SINHCAF: variants seen among roughly 807,000 people sequenced by gnomAD.
SINHCAF encodes SIN3-HDAC complex associated factor.
Under a neutral mutation model 25.8 loss-of-function variants are expected in SINHCAF, and 3 were observed. The ratio of observed to expected loss-of-function variants is 0.12; its 90% confidence interval spans 0.05 to 0.30. The LOEUF is 0.30. SINHCAF is among the 10% of genes least tolerant of loss of function. The pLI is 1.00. For missense variants in SINHCAF, 121 were observed against 262.3 expected (o/e 0.46, Z 3.72); for synonymous variants, 70 against 85.5 (o/e 0.82, Z 1.00).
chr12:31,313,167 G>A (rs1255814265), intron 1 of SINHCAF, among the ~76,000 whole-genome samples: 1 of 152,126 alleles, frequency 6.6e-6, no homozygotes, highest in Non-Finnish European at 1.5e-5. Context: ...TGAGATTACA[G>A]GTACCCGCCA....
chr12:31,301,220 ATTT>A (rs1053759307), intron 1 of SINHCAF, among the ~76,000 whole-genome samples: 1 of 152,044 alleles, frequency 6.6e-6, no homozygotes, highest in African/African-American at 2.4e-5. Context: ...CTCTTCAATG[ATTT>A]TTTTCTGCTG....
chr12:31,287,217 C>G (rs570720519), intron 5 of SINHCAF, among the ~76,000 whole-genome samples: 2 of 152,206 alleles, frequency 1.3e-5, no homozygotes, highest in East Asian at 3.9e-4. Context: ...TCTATAATAT[C>G]CTATTATTTT....
intron 1 of SINHCAF, among the ~76,000 whole-genome samples, chr12:31,310,740 T>C (rs1284947837): frequency 1.3e-5 from 2 of 152,232 alleles, no homozygotes; most frequent in Non-Finnish European, 2.9e-5. Flanking sequence ...TATGTCATTT[T>C]TATTGTTTTC....
At chr12:31,314,517 C>G (rs756593945) in intron 1 of SINHCAF, among the ~76,000 whole-genome samples, 25 of 151,182 alleles carry the variant, frequency 1.7e-4, no homozygotes, top group Non-Finnish European at 1.9e-4. Context: ...CAGAGCGAGA[C>G]TCCGTCTCAA....
chr12:31,296,676 A>G (rs1326268851), intron 2 of SINHCAF, among the ~76,000 whole-genome samples: 1 of 152,082 alleles, frequency 6.6e-6, no homozygotes, highest in Non-Finnish European at 1.5e-5. Flanking sequence ...CAACATGGCA[A>G]AATCCTGTAT....
intron 1 of SINHCAF, among the ~76,000 whole-genome samples, chr12:31,300,244 T>G (rs559753652): frequency 6.6e-6 from 1 of 152,232 alleles, no homozygotes; most frequent in Non-Finnish European, 1.5e-5. Context: ...AAAATTTTTT[T>G]AAAACTTTTA....
Position 31,324,354 on chromosome 12 carries a change from G to C in SINHCAF, c.-21+1670C>G, listed in dbSNP as rs1475202921. The C allele has an allele frequency of 1.8e-5, 3 of 164,192 alleles. No individual in the cohort carries two copies. The Admixed American group carries it at 2.0e-4, about 11-fold the overall frequency. The allele number at this position is 164,192 out of a possible 1,614,324, so 10.2% of individuals were successfully genotyped here. On this transcript the variant is annotated intron_variant, in intron 1 of 5. Transcript: ENST00000337682. The surrounding 1 kb of genome is among the most constrained non-coding windows in gnomAD (Gnocchi z 5.5). Reference sequence around the variant, plus strand: ...CCACGAGAAACCGGCCGAGCAGTCCGGGCCAAGCTCCCCGGAACCCTCGGC... The same window carrying C: ...CCACGAGAAACCGGCCGAGCAGTCCCGGCCAAGCTCCCCGGAACCCTCGGC...
intron 1 of SINHCAF, chr12:31,311,819 C>T (rs1038157589): frequency 6.2e-6 from 3 of 486,128 alleles, no homozygotes; most frequent in African/African-American, 5.9e-5. Context: ...GTGGGTCAGA[C>T]CAAAGATGGG....
intron 1 of SINHCAF, among the ~76,000 whole-genome samples, chr12:31,314,474 C>A (rs575012347): frequency 6.6e-6 from 1 of 151,760 alleles, no homozygotes; most frequent in Non-Finnish European, 1.5e-5. Flanking sequence ...TGCAGTGAGC[C>A]GAGATCGCGC....
At chr12:31,311,851 A>T in intron 1 of SINHCAF, 1 of 480,368 alleles carries the variant, frequency 2.1e-6, no homozygotes, top group Non-Finnish European at 4.1e-6. Context: ...CCCAGCGTTG[A>T]TGATGCTAAG....
intron 1 of SINHCAF, among the ~76,000 whole-genome samples, chr12:31,318,402 G>A (rs922127538): frequency 6.6e-6 from 1 of 152,152 alleles, no homozygotes; most frequent in African/African-American, 2.4e-5. Context: ...CCACTTGTTT[G>A]CCAACAGCCT....
At chr12:31,321,220 A>G (rs927608607) in intron 1 of SINHCAF, among the ~76,000 whole-genome samples, 1 of 152,194 alleles carries the variant, frequency 6.6e-6, no homozygotes, top group African/African-American at 2.4e-5. Context: ...CAAAATCAAA[A>G]CTTAAGTGTG....
chr12:31,295,243 G>GTTTTTTTTTT lies in SINHCAF; in HGVS notation c.218_219insAAAAAAAAAA (p.Asn73LysfsTer41). 6.4e-7 allele frequency: 1 copy of GTTTTTTTTTT among 1,567,136 alleles called. No individual in the cohort carries two copies. Among genetic ancestry groups the GTTTTTTTTTT allele is most frequent in the Admixed American group, 1.8e-5 (1 of 56,642 alleles). ...AGAAAGATGGACTAACATGATTCCA[G>GTTTTTTTTTT]TTTTTTTTTGATCCTGCTGGCAACT... On this transcript the variant is annotated frameshift_variant, in exon 3 of 6. Transcript: ENST00000337682. LOFTEE classifies it high-confidence loss of function.
At position 31,324,194 on chromosome 12, in the gene SINHCAF, C is replaced by T. The variant is rs1211148921; in HGVS notation, c.-21+1830G>A. 4.7e-6 allele frequency: 1 copy of T among 210,918 alleles called. No homozygotes were observed. Among genetic ancestry groups the T allele is most frequent in the Non-Finnish European group, 9.2e-6 (1 of 108,912 alleles). 13.1% of individuals were successfully genotyped at this position (210,918 alleles called of 1,614,324 possible). On this transcript the variant is annotated intron_variant, in intron 1 of 5. Coordinates refer to ENST00000337682, the MANE Select transcript of SINHCAF (RefSeq NM_001135812.2). This position sits in a 1 kb window ranked among gnomAD's most constrained non-coding sequence, Gnocchi z 5.5. ...CGCGCCAGCCCGGCCCGGCGCCTCCCGCAGGCCGCGCCTCCCGCACGCCGC... is the reference window on the plus strand; with the variant it reads ...CGCGCCAGCCCGGCCCGGCGCCTCCTGCAGGCCGCGCCTCCCGCACGCCGC...
chr12:31,285,418 TACACACACACACACACACAC>T (rs71444392), intron 5 of SINHCAF, among the ~76,000 whole-genome samples: 1 of 141,356 alleles, frequency 7.1e-6, no homozygotes, highest in Non-Finnish European at 1.5e-5. Flanking sequence ...TATATATACA[TACACACACACACACACACAC>T]ACACACACAC....
Position 31,281,044 on chromosome 12 carries a change from G to A in SINHCAF, c.*1668C>T, listed in dbSNP as rs1937768664. 1 of 151,998 alleles carries A rather than the reference G, an allele frequency of 6.6e-6. No homozygotes were observed. Among genetic ancestry groups the A allele is most frequent in the Non-Finnish European group, 1.5e-5 (1 of 67,962 alleles). 9.4% of individuals were successfully genotyped at this position (151,998 alleles called of 1,614,324 possible). A position where few individuals can be genotyped will look rare whatever the true frequency, so the allele number is the denominator to read the frequency against. On this transcript the variant is annotated 3_prime_UTR_variant, in exon 6 of 6. Transcript: ENST00000337682. ...TAGATTAAGAACTATAAAACTACAG[G>A]GTGCCTATAAAAGGTGGCTTACTCC...
At chr12:31,296,177 G>A (rs1046582629) in intron 2 of SINHCAF, among the ~76,000 whole-genome samples, 2 of 151,850 alleles carry the variant, frequency 1.3e-5, no homozygotes, top group Non-Finnish European at 2.9e-5. Context: ...TGGTGGGGGC[G>A]TGGGGGTGAA....
At chr12:31,315,308 T>A (rs553036720) in intron 1 of SINHCAF, among the ~76,000 whole-genome samples, 16 of 152,334 alleles carry the variant, frequency 1.1e-4, no homozygotes, top group Non-Finnish European at 1.5e-4. Flanking sequence ...GGAAGGATGA[T>A]TGATTCCATC....
intron 2 of SINHCAF, among the ~76,000 whole-genome samples, chr12:31,296,378 C>T (rs913454173): frequency 4.6e-5 from 7 of 151,736 alleles, no homozygotes; most frequent in African/African-American, 7.3e-5. Context: ...GTTGCCCAGG[C>T]TGGTCTCCAA....
Sources: gnomAD v4.1 joint callset for allele counts (sites outside exome capture counted in the v4.1 genomes callset) on GRCh38, gnomAD v4.1.1 for gene constraint, Gnocchi (gnomAD v3.1) non-coding constraint, MANE v1.5 for transcripts, NCBI Gene and HGNC (gene_info 2026-07-23, HGNC 2026-07-21) for gene names.